The following SV2C variants were observed in gnomAD, a reference collection of about 807,000 sequenced individuals.
SV2C encodes the protein solute carrier family 22 member B3.
A neutral mutation model predicts 79.7 loss-of-function variants in SV2C; 49 were observed. The ratio of observed to expected loss-of-function variants is 0.61; its 90% CI spans 0.49 to 0.78. The LOEUF (loss-of-function observed/expected upper bound fraction) is 0.78. Among genes scored for constraint, SV2C ranks in the 30% least tolerant of loss-of-function variants. The pLI is 0.00. For missense variants in SV2C, 833 were observed against 912.9 expected, an observed-to-expected ratio of 0.91 and a Z score of 1.13; for synonymous variants, 334 against 333.2, an observed-to-expected ratio of 1.00 and a Z score of -0.03.
In SV2C at chr5:76,087,482, G is replaced by C. The variant is rs115088650; in HGVS notation, c.-102+3970G>C. Among the ~76,000 whole-genome samples the C allele has an allele frequency of 2.6e-3, 403 of 152,260 alleles. 1 individual carries two copies. Among genetic ancestry groups the C allele is most frequent in the African/African-American group, 9.2e-3 (384 of 41,546 alleles). On this transcript the variant is annotated intron_variant, in intron 1 of 12. Transcript: ENST00000502798. Reference sequence around the variant, plus strand: ...TTCTCTTATCATTTTCCACTGTTTGGAAACCCTAGAATCCTAGAGTAGCCA... The same window carrying C: ...TTCTCTTATCATTTTCCACTGTTTGCAAACCCTAGAATCCTAGAGTAGCCA...
chr5:76,159,181 T>C (rs1040087207), intron 2 of SV2C, among the ~76,000 whole-genome samples: 8 of 152,062 alleles, frequency 5.3e-5, no homozygotes, highest in African/African-American at 1.9e-4. Flanking sequence ...TCATACTTGA[T>C]TGGAAAAGAG....
At chr5:75,867,196 T>G in the SV2C span, among the ~76,000 whole-genome samples, 1 of 151,940 alleles carries the variant, frequency 6.6e-6, no homozygotes, top group Non-Finnish European at 1.5e-5. Flanking sequence ...GTAGGAAAGC[T>G]GCCTGATGTT....
the SV2C span, among the ~76,000 whole-genome samples, chr5:75,869,279 C>T: frequency 6.6e-6 from 1 of 152,120 alleles, no homozygotes; most frequent in African/African-American, 2.4e-5. Context: ...GCCCACTCCC[C>T]TGTAGGGTGA....
the SV2C span, among the ~76,000 whole-genome samples, chr5:75,934,575 C>A: frequency 6.6e-6 from 1 of 152,100 alleles, no homozygotes; most frequent in South Asian, 2.1e-4. Flanking sequence ...CTTTAGCCGT[C>A]GTGCCTGGCC....
At chr5:76,110,161 A>G (rs1425391798) in intron 1 of SV2C, among the ~76,000 whole-genome samples, 1 of 152,134 alleles carries the variant, frequency 6.6e-6, no homozygotes, top group Non-Finnish European at 1.5e-5. Flanking sequence ...TGAAATCTTT[A>G]GGAAAGGAAC....
At chr5:76,134,454 C>G (rs1749000952) in intron 2 of SV2C, among the ~76,000 whole-genome samples, 1 of 152,278 alleles carries the variant, frequency 6.6e-6, no homozygotes, top group South Asian at 2.1e-4. Context: ...CACACTAAGT[C>G]ATAGCAATAG....
intron 2 of SV2C, among the ~76,000 whole-genome samples, chr5:76,157,583 A>G (rs940098613): frequency 2.0e-5 from 3 of 151,740 alleles, no homozygotes; most frequent in Non-Finnish European, 4.4e-5. Flanking sequence ...ACACACATAC[A>G]TATATATATT....
chr5:76,034,057 T>A, the SV2C span, among the ~76,000 whole-genome samples: 20 of 151,776 alleles, frequency 1.3e-4, no homozygotes, highest in Non-Finnish European at 2.8e-4. Context: ...TTTGTCTGTT[T>A]TTGGAGTATA....
At chr5:76,039,800 C>G in the SV2C span, among the ~76,000 whole-genome samples, 1 of 151,342 alleles carries the variant, frequency 6.6e-6, no homozygotes, top group Non-Finnish European at 1.5e-5. Context: ...GAAATTGAGT[C>G]TTCTAAAGAG....
intron 1 of SV2C, among the ~76,000 whole-genome samples, chr5:76,123,790 T>C (rs1482834923): frequency 1.3e-5 from 2 of 152,148 alleles, no homozygotes; most frequent in Admixed American, 1.3e-4. Context: ...ACCACTACTA[T>C]GGAAGATATG....
the SV2C span, among the ~76,000 whole-genome samples, chr5:75,938,108 T>A: frequency 2.0e-5 from 3 of 152,184 alleles, no homozygotes; most frequent in African/African-American, 7.2e-5. Flanking sequence ...ATGATGCCCG[T>A]CTGTTATTTA....
At chr5:76,258,040 G>A (rs747776524) in intron 4 of SV2C, among the ~76,000 whole-genome samples, 1 of 147,762 alleles carries the variant, frequency 6.8e-6, no homozygotes, top group African/African-American at 2.5e-5. Flanking sequence ...ATTGTGTGGT[G>A]TATGGTATAT....
At chr5:75,985,838 G>A in the SV2C span, among the ~76,000 whole-genome samples, 1 of 151,818 alleles carries the variant, frequency 6.6e-6, no homozygotes, top group Non-Finnish European at 1.5e-5. Context: ...ATGTGAAATA[G>A]GTGCATTCAC....
intron 1 of SV2C, among the ~76,000 whole-genome samples, chr5:76,100,392 G>A (rs1270604817): frequency 6.6e-6 from 1 of 152,106 alleles, no homozygotes; most frequent in African/African-American, 2.4e-5. Context: ...AAAAGGTGCT[G>A]GAATTTCTCT....
intron 2 of SV2C, among the ~76,000 whole-genome samples, chr5:76,138,595 C>G (rs1347800495): frequency 6.6e-6 from 1 of 152,084 alleles, no homozygotes; most frequent in Non-Finnish European, 1.5e-5. Flanking sequence ...GCCCATAGTG[C>G]AAAGTCATCT....
chr5:75,896,196 A>G, the SV2C span, among the ~76,000 whole-genome samples: 47 of 149,356 alleles, frequency 3.1e-4, 1 homozygote, highest in East Asian at 5.8e-3. Flanking sequence ...TATATCTCCT[A>G]ATGCTATCCC....
chr5:76,339,334 C>A (rs766570013), intron 12 of SV2C, among the ~76,000 whole-genome samples: 5 of 152,038 alleles, frequency 3.3e-5, no homozygotes, highest in Non-Finnish European at 7.4e-5. Context: ...TTTCATATGG[C>A]AACAGTTTTG....
the SV2C span, among the ~76,000 whole-genome samples, chr5:75,951,509 C>T: frequency 1.5e-4 from 23 of 152,110 alleles, no homozygotes; most frequent in East Asian, 1.9e-3. Context: ...GGTTGGAGAG[C>T]CTTTCTCCAC....
chr5:76,097,637 T>C (rs1044844968), intron 1 of SV2C, among the ~76,000 whole-genome samples: 27 of 152,230 alleles, frequency 1.8e-4, no homozygotes, highest in Non-Finnish European at 2.6e-4. Context: ...TAGAGGTAGA[T>C]TATAATATCT....
Sources: gnomAD v4.1 joint callset for allele counts (sites outside exome capture counted in the v4.1 genomes callset) on GRCh38, gnomAD v4.1.1 for gene constraint, MANE v1.5 for transcripts, NCBI Gene and HGNC (gene_info 2026-07-23, HGNC 2026-07-21) for gene names.